Variants in MEGF11 observed in about 807,000 individuals in gnomAD.
MEGF11 encodes multiple EGF like domains 11.
MEGF11 carries 126 observed loss-of-function variants against 146.6 expected under a neutral mutation model. That is an observed-to-expected ratio of 0.86 (90% CI 0.74 to 1.00). MEGF11 has a LOEUF of 1.00. Ranked by LOEUF, MEGF11 falls within the 50% of genes least tolerant of loss-of-function variation. The probability of loss-of-function intolerance (pLI) is 0.00; values close to 1 mark genes in which losing one functional copy is unlikely to be tolerated. For synonymous variants in MEGF11, 532 were observed against 583.4 expected (o/e 0.91, Z 1.27); for missense variants, 1,509 against 1,521.2 (o/e 0.99, Z 0.13).
chr15:65,981,254 C>T (rs537829549), intron 6 of MEGF11, among the ~76,000 whole-genome samples: 1 of 152,146 alleles, frequency 6.6e-6, no homozygotes, highest in Non-Finnish European at 1.5e-5. Context: ...GCATGCCAGG[C>T]CAAAGTCATT....
chr15:65,975,368 C>T (rs542926262), intron 7 of MEGF11, among the ~76,000 whole-genome samples: 10 of 152,274 alleles, frequency 6.6e-5, no homozygotes, highest in African/African-American at 1.7e-4. Context: ...AAGTCTGGTA[C>T]GTAGAATGCA....
intron 1 of MEGF11, among the ~76,000 whole-genome samples, chr15:66,246,230 C>T (rs918337557): frequency 6.6e-6 from 1 of 152,118 alleles, no homozygotes; most frequent in African/African-American, 2.4e-5. Context: ...GCTCTCCAGC[C>T]TGAGTGACAA....
At chr15:66,212,689 G>A (rs763912499) in intron 1 of MEGF11, among the ~76,000 whole-genome samples, 5 of 128,770 alleles carry the variant, frequency 3.9e-5, no homozygotes, top group African/African-American at 1.5e-4. Flanking sequence ...ATCCGCACAC[G>A]CGGCATCCCC....
chr15:66,220,049 C>T (rs919386829), intron 1 of MEGF11, among the ~76,000 whole-genome samples: 2 of 152,086 alleles, frequency 1.3e-5, no homozygotes, highest in Admixed American at 6.5e-5. Context: ...AATCCAATGA[C>T]TGGTGTCCTT....
intron 10 of MEGF11, among the ~76,000 whole-genome samples, chr15:65,943,877 A>G (rs1253601999): frequency 1.3e-5 from 2 of 152,156 alleles, no homozygotes. Flanking sequence ...AAAAGAGCCC[A>G]GCGCCCTAGG....
chr15:66,096,207 A>T (rs1239395593), intron 4 of MEGF11, among the ~76,000 whole-genome samples: 1 of 152,162 alleles, frequency 6.6e-6, no homozygotes, highest in Non-Finnish European at 1.5e-5. Context: ...CATCCGTGTT[A>T]CAGCTTGTCA....
chr15:66,206,557 A>G (rs754672951), intron 1 of MEGF11, among the ~76,000 whole-genome samples: 1 of 152,150 alleles, frequency 6.6e-6, no homozygotes, highest in Non-Finnish European at 1.5e-5. Flanking sequence ...TTTTTTTAAA[A>G]AGAACTAAAC....
At chr15:66,208,940 A>T (rs2091371783) in intron 1 of MEGF11, among the ~76,000 whole-genome samples, 1 of 152,220 alleles carries the variant, frequency 6.6e-6, no homozygotes, top group Non-Finnish European at 1.5e-5. Flanking sequence ...AAAAAACAAA[A>T]CAAAACAATG....
chr15:66,201,461 C>T (rs140210232), intron 1 of MEGF11, among the ~76,000 whole-genome samples: 25 of 152,160 alleles, frequency 1.6e-4, no homozygotes, highest in African/African-American at 4.8e-4. Flanking sequence ...ATGAGGCACA[C>T]GGCACCCAGG....
At chr15:66,180,317 C>T (rs150460368) in intron 1 of MEGF11, among the ~76,000 whole-genome samples, 109 of 152,310 alleles carry the variant, frequency 7.2e-4, no homozygotes, top group African/African-American at 2.5e-3. Flanking sequence ...GAGGTTTGGT[C>T]ACCTTCCTGG....
intron 5 of MEGF11, among the ~76,000 whole-genome samples, chr15:65,997,131 G>A (rs1212204336): frequency 6.6e-6 from 1 of 152,242 alleles, no homozygotes; most frequent in African/African-American, 2.4e-5. Context: ...CTGCCAGTCA[G>A]AGGACACTCT....
At chr15:66,184,296 G>A (rs956946309) in intron 1 of MEGF11, among the ~76,000 whole-genome samples, 1 of 152,054 alleles carries the variant, frequency 6.6e-6, no homozygotes, top group Non-Finnish European at 1.5e-5. Flanking sequence ...ATCCCACACT[G>A]AAGATGCCTG....
intron 4 of MEGF11, among the ~76,000 whole-genome samples, chr15:66,096,444 C>T (rs910456438): frequency 6.6e-6 from 1 of 152,234 alleles, no homozygotes; most frequent in Admixed American, 6.5e-5. Context: ...GCCTCTCAGA[C>T]AGGGAGGAAG....
At position 65,965,137 on chromosome 15, in the gene MEGF11, T is replaced by A; in HGVS notation, c.900-17A>T. 6.4e-7 allele frequency: 1 copy of A among 1,562,402 alleles called. No individual in the cohort carries two copies. Among genetic ancestry groups the A allele is most frequent in the Non-Finnish European group, 8.7e-7 (1 of 1,147,852 alleles). ...TCTTGGCACCTGTGGGAGAGCAGAGTGGGGCTGAGGCTGTGGGCCAGGATC... is the reference window on the plus strand; with the variant it reads ...TCTTGGCACCTGTGGGAGAGCAGAGAGGGGCTGAGGCTGTGGGCCAGGATC... On this transcript the variant is annotated splice_polypyrimidine_tract_variant and intron_variant, in intron 8 of 25. Coordinates refer to ENST00000395614, the MANE Select transcript of MEGF11 (RefSeq NM_001385028.1).
intron 1 of MEGF11, among the ~76,000 whole-genome samples, chr15:66,145,662 T>C (rs1458548218): frequency 6.6e-6 from 1 of 152,056 alleles, no homozygotes; most frequent in Non-Finnish European, 1.5e-5. Context: ...ATAACGGAGA[T>C]GGGGATGAGC....
chr15:65,968,141 T>C (rs1196111932), intron 8 of MEGF11, among the ~76,000 whole-genome samples: 1 of 151,810 alleles, frequency 6.6e-6, no homozygotes, highest in Non-Finnish European at 1.5e-5. Flanking sequence ...AAGAAGGTGA[T>C]GTCTGGAGAA....
At chr15:66,241,708 A>G (rs932799309) in intron 1 of MEGF11, among the ~76,000 whole-genome samples, 2 of 152,164 alleles carry the variant, frequency 1.3e-5, no homozygotes, top group African/African-American at 2.4e-5. Flanking sequence ...CTCTGGGCAT[A>G]CCAGCCCTGC....
intron 15 of MEGF11, among the ~76,000 whole-genome samples, chr15:65,918,691 C>T (rs1203471341): frequency 6.6e-6 from 1 of 152,248 alleles, no homozygotes; most frequent in Non-Finnish European, 1.5e-5. Flanking sequence ...TCACAAGGCC[C>T]TCTCCACCAC....
intron 1 of MEGF11, among the ~76,000 whole-genome samples, chr15:66,243,049 A>G (rs1393514283): frequency 6.6e-6 from 1 of 152,180 alleles, no homozygotes; most frequent in Non-Finnish European, 1.5e-5. Context: ...CTACATACAC[A>G]CACACACTCA....
Sources: gnomAD v4.1 joint callset for allele counts (sites outside exome capture counted in the v4.1 genomes callset) on GRCh38, gnomAD v4.1.1 for gene constraint, MANE v1.5 for transcripts, NCBI Gene and HGNC (gene_info 2026-07-23, HGNC 2026-07-21) for gene names.